TDRD9: variants seen among roughly 807,000 people sequenced by gnomAD.
The protein encoded by TDRD9 is tudor domain containing 9.
Under a neutral mutation model 172.6 loss-of-function variants are expected in TDRD9, and 124 were observed. The ratio of observed to expected loss-of-function variants is 0.72; its 90% CI spans 0.62 to 0.83. The LOEUF (loss-of-function observed/expected upper bound fraction) is 0.83. Among genes scored for constraint, TDRD9 ranks in the 40% least tolerant of loss-of-function variants. TDRD9 has a pLI of 0.00. For missense variants in TDRD9, 1,479 were observed against 1,714.1 expected (o/e 0.86, Z 2.42); for synonymous variants, 619 against 617.1 (o/e 1.00, Z -0.05).
At chr14:104,034,123 T>C in intron 31 of TDRD9, 54 bp downstream of exon 31, 5 of 1,111,112 alleles carry the variant, frequency 4.5e-6, no homozygotes, top group Non-Finnish European at 6.7e-6. Context: ...TTTCCTTGAC[T>C]TCAGCTACTA....
At chr14:104,019,226 C>T (rs1255365653) in intron 23 of TDRD9, among the ~76,000 whole-genome samples, 1 of 152,176 alleles carries the variant, frequency 6.6e-6, no homozygotes, top group African/African-American at 2.4e-5. Flanking sequence ...CATGGATGCT[C>T]CTTTGACTGA....
rs188358910 is a variant in TDRD9 at position 104,009,868 on chromosome 14, C to T, written c.2106+1402C>T. Among the ~76,000 whole-genome samples the T allele has an allele frequency of 1.6e-3, 245 of 152,112 alleles. 2 individuals are homozygous for T. The Middle Eastern group carries it at 0.031, about 19-fold the overall frequency. On this transcript the variant is annotated intron_variant, in intron 20 of 35. Coordinates refer to ENST00000409874, the MANE Select transcript of TDRD9 (RefSeq NM_153046.3). ...GAAGCCTTGACTTCCTGGGCTCAAGCAATTCTCCTGCCTCAGCCTCTGCAG... is the reference window on the plus strand; with the variant it reads ...GAAGCCTTGACTTCCTGGGCTCAAGTAATTCTCCTGCCTCAGCCTCTGCAG...
In TDRD9 at chr14:103,994,604, G is replaced by T; in HGVS notation, c.1320+1G>T. On this transcript the variant is annotated splice_donor_variant, in intron 11 of 35. Transcript: ENST00000409874. LOFTEE classifies it high-confidence loss of function. The stretch of plus-strand genomic sequence containing the variant: ...AAGTCCAGTCCCTGGGTACAGAAAG[G>T]TAGGAAAACTGGGAAGACAAGTTCT... 3 of 1,611,500 alleles carry T rather than the reference G, an allele frequency of 1.9e-6. No homozygotes were observed. The South Asian group carries it at 3.3e-5, about 18-fold the overall frequency.
chr14:103,959,470 G>GTGTA (rs1443289138), intron 2 of TDRD9, among the ~76,000 whole-genome samples: 2 of 135,160 alleles, frequency 1.5e-5, no homozygotes. Flanking sequence ...GTGTGTGTGT[G>GTGTA]TGTGTGTGTG....
Position 103,928,607 on chromosome 14 carries a change from C to G in TDRD9, c.98C>G (p.Pro33Arg). Residue 33 changes from proline (P) to arginine (R), a missense_variant, in exon 1 of 36, where the codon CCG becomes CGG. This residue lies in a region of TDRD9 where 63 missense variants were observed against 48.4 expected (regional missense o/e 1.30). Coordinates refer to ENST00000409874, the MANE Select transcript of TDRD9 (RefSeq NM_153046.3). ...CTGCTGGGCGCGCCGCCCGCCTTCC[C>G]GGCAGGGGCGGCCAGGGAGGAGGTG... ...VELLGAPPAF[P>R]AGAAREEVQR... 2 of 1,331,932 alleles carry G rather than the reference C, an allele frequency of 1.5e-6. No homozygotes were observed. The highest frequency in any genetic ancestry group is 2.0e-6 in the Non-Finnish European group (2 of 1,023,412). 82.5% of individuals were successfully genotyped at this position (1,331,932 alleles called of 1,614,324 possible). A position where few individuals can be genotyped will look rare whatever the true frequency, so the allele number is the denominator to read the frequency against.
Position 104,012,195 on chromosome 14 carries a change from C to T in TDRD9, c.2107-2530C>T, listed in dbSNP as rs919813216. Among the ~76,000 whole-genome samples the T allele has an allele frequency of 5.3e-5, 8 of 152,264 alleles. No individual in the cohort carries two copies. The South Asian group carries it at 1.7e-3, about 32-fold the overall frequency. On this transcript the variant is annotated intron_variant, in intron 20 of 35. Transcript: ENST00000409874. Reference sequence around the variant, plus strand: ...GTTACCCTCATGGCCCAAGGCCCCACCGTCAATCATATTCTAGCGTGAACT... The same window carrying T: ...GTTACCCTCATGGCCCAAGGCCCCATCGTCAATCATATTCTAGCGTGAACT...
At chr14:104,033,138 C>A (rs1373849924) in intron 30 of TDRD9, among the ~76,000 whole-genome samples, 1 of 152,172 alleles carries the variant, frequency 6.6e-6, no homozygotes, top group Non-Finnish European at 1.5e-5. Context: ...GGCCGTGAAC[C>A]TTACTATGTG....
rs1412813749 is a variant in TDRD9 at position 103,928,559 on chromosome 14, G to A, written c.50G>A (p.Gly17Asp). 4 of 1,386,900 alleles carry A rather than the reference G, an allele frequency of 2.9e-6. No homozygotes were observed. The highest frequency in any genetic ancestry group is 3.1e-5 in the Admixed American group (1 of 32,206). 85.9% of individuals were successfully genotyped at this position (1,386,900 alleles called of 1,614,324 possible). A position where few individuals can be genotyped will look rare whatever the true frequency, so the allele number is the denominator to read the frequency against. Residue 17 changes from glycine to aspartate, a missense_variant, in exon 1 of 36, where the codon GGC (glycine) becomes GAC (aspartate). This residue lies in a region of TDRD9 where 63 missense variants were observed against 48.4 expected (regional missense o/e 1.30). Coordinates refer to ENST00000409874, the MANE Select transcript of TDRD9 (RefSeq NM_153046.3). Reference sequence around the variant, plus strand: ...CAGATCAACGACTGGTTCACCATCGGCAAGACGGTGACCAATGTGGAGCTG... The same window carrying A: ...CAGATCAACGACTGGTTCACCATCGACAAGACGGTGACCAATGTGGAGCTG... Reference protein sequence around the residue: ...IEQINDWFTIGKTVTNVELLG... With the variant: ...IEQINDWFTIDKTVTNVELLG...
intron 1 of TDRD9, among the ~76,000 whole-genome samples, chr14:103,947,323 GTTTTT>G (rs1205274036): frequency 6.6e-6 from 1 of 150,926 alleles, no homozygotes; most frequent in East Asian, 1.9e-4. Flanking sequence ...TGTTTTTTTT[GTTTTT>G]TTGTTTTTTT....
In TDRD9 at chr14:104,042,140, A is replaced by T; in HGVS notation, c.3927A>T (p.Pro1309=). 8.7e-6 allele frequency: 14 copies of T among 1,613,756 alleles called. No individual in the cohort carries two copies. Among genetic ancestry groups the T allele is most frequent in the Non-Finnish European group, 1.1e-5 (13 of 1,179,642 alleles). Residue 1309 remains proline, a synonymous_variant, in exon 34 of 36, where the codon CCA becomes CCT. Transcript: ENST00000409874. The stretch of plus-strand genomic sequence containing the variant: ...CAAATGGATGCAAGTGTCTTGGGCC[A>T]GAGAGAGTTGCGCAGCTTCAAGACA... ...DGPNGCKCLG[P]ERVAQLQDIA... is the part of the protein sequence containing the mutation.
Position 104,038,393 on chromosome 14 carries a change from T to C in TDRD9, c.3717-1803T>C, listed in dbSNP as rs562246616. Among the ~76,000 whole-genome samples, 15 of 152,312 alleles carry C rather than the reference T, an allele frequency of 9.8e-5. No homozygotes were observed. In the East Asian group the frequency reaches 2.5e-3, roughly 26 times the overall value. On this transcript the variant is annotated intron_variant, in intron 32 of 35. Coordinates refer to ENST00000409874, the MANE Select transcript of TDRD9 (RefSeq NM_153046.3). ...GGCTAAAAACAAGCTACCCCAAAAC[T>C]TCAGTGGGCTACAGCAACCTTCTTT...
chr14:103,965,614 T>C (rs2032707245), intron 4 of TDRD9, 60 bp downstream of exon 4: 1 of 1,433,448 alleles, frequency 7.0e-7, no homozygotes, highest in South Asian at 1.3e-5. Context: ...TCCTTAATTT[T>C]ATTAAGTTTT....
chr14:104,027,524 A>T (rs1201541453), intron 28 of TDRD9, among the ~76,000 whole-genome samples: 1 of 152,068 alleles, frequency 6.6e-6, no homozygotes, highest in East Asian at 1.9e-4. Context: ...TGTTAGAGTT[A>T]TTTTTCACGA....
chr14:103,995,394 G>A lies in TDRD9; in HGVS notation c.1321-356G>A, dbSNP rs2152203779. The stretch of plus-strand genomic sequence containing the variant: ...GGAGCAGCCTTGGGTGGTATTCTAG[G>A]GCAAGTACAGGCAACAACCCTTCTT... On this transcript the variant is annotated intron_variant, in intron 11 of 35. Coordinates refer to ENST00000409874, the MANE Select transcript of TDRD9 (RefSeq NM_153046.3). Among the ~76,000 whole-genome samples the A allele has an allele frequency of 1.3e-5, 2 of 152,256 alleles. 1 individual carries two copies. Among genetic ancestry groups the A allele is most frequent in the South Asian group, 4.1e-4 (2 of 4,822 alleles).
intron 1 of TDRD9, among the ~76,000 whole-genome samples, chr14:103,934,189 T>A (rs2030596072): frequency 6.6e-6 from 1 of 152,176 alleles, no homozygotes; most frequent in Admixed American, 6.5e-5. Flanking sequence ...GCTAATTTAT[T>A]TTTTGTAAAG....
intron 14 of TDRD9, among the ~76,000 whole-genome samples, chr14:104,004,602 A>T (rs1375605229): frequency 6.6e-6 from 1 of 151,818 alleles, no homozygotes; most frequent in African/African-American, 2.4e-5. Flanking sequence ...CTGATCTCGA[A>T]CTCCTGACCT....
chr14:103,988,044 T>C (rs2033736982), intron 8 of TDRD9, among the ~76,000 whole-genome samples: 1 of 152,238 alleles, frequency 6.6e-6, no homozygotes, highest in Non-Finnish European at 1.5e-5. Flanking sequence ...CTATTTTGTG[T>C]ATTAGTATAG....
intron 35 of TDRD9, 59 bp downstream of exon 35, chr14:104,049,739 T>C (rs1203537372): frequency 7.0e-7 from 1 of 1,432,478 alleles, no homozygotes; most frequent in East Asian, 2.5e-5. Flanking sequence ...GGACAGGCCC[T>C]GGGCAGACCC....
chr14:104,026,069 A>C lies in TDRD9; in HGVS notation c.2954A>C (p.Asn985Thr). ...TAGGTATTCTTTGTAGATTATGGCA[A>C]TAAGTCTCATGTAGATCTACATCTT... ...SAEVFFVDYG[N>T]KSHVDLHLLM... Residue 985 changes from asparagine (N) to threonine (T), a missense_variant, in exon 27 of 36, where the codon AAT becomes ACT. By Grantham distance (65) the Asn-to-Thr change is moderately conservative (BLOSUM62 0). Around this residue, in one of 3 missense-constraint regions of TDRD9, gnomAD observed 1,413 missense variants for 1,649.1 expected, o/e 0.86. Transcript: ENST00000409874. 1 of 1,610,300 alleles carries C rather than the reference A, an allele frequency of 6.2e-7. No homozygotes were observed. Among genetic ancestry groups the C allele is most frequent in the Non-Finnish European group, 8.5e-7 (1 of 1,176,510 alleles).
Sources: gnomAD v4.1 joint callset for allele counts (sites outside exome capture counted in the v4.1 genomes callset) on GRCh38, gnomAD v4.1.1 for gene constraint, gnomAD v4.1.1 regional missense constraint, MANE v1.5 for transcripts, NCBI Gene and HGNC (gene_info 2026-07-23, HGNC 2026-07-21) for gene names.